The following ACYP2 variants were observed in gnomAD, a reference collection of about 807,000 sequenced individuals.
ACYP2 encodes the protein acylphosphatase-2.
Under a neutral mutation model 11.2 loss-of-function variants are expected in ACYP2, and 12 were observed. The ratio of observed to expected loss-of-function variants is 1.08; its 90% confidence interval spans 0.69 to 1.74. The LOEUF is 1.74. Ranked by LOEUF, ACYP2 falls within the 40% of genes most tolerant of loss-of-function variation. ACYP2 has a pLI of 0.00. For synonymous variants in ACYP2, 43 were observed against 32.2 expected (o/e 1.33, Z -1.13); for missense variants, 134 against 101.9 (o/e 1.31, Z -1.35).
chr2:54,142,854 G>A (rs918745392), intron 6 of ACYP2: 2 of 152,072 alleles, frequency 1.3e-5, no homozygotes, highest in South Asian at 2.1e-4. Context: ...TGATTTTATG[G>A]TTTTCTTTAT....
intron 4 of ACYP2, among the ~76,000 whole-genome samples, chr2:54,097,960 C>T (rs1168923432): frequency 7.3e-6 from 1 of 136,562 alleles, no homozygotes; most frequent in African/African-American, 2.7e-5. Flanking sequence ...TTCTCTCCTT[C>T]CTTCCTTTTT....
At chr2:54,249,930 G>C (rs1687134966) in intron 6 of ACYP2, among the ~76,000 whole-genome samples, 2 of 97,872 alleles carry the variant, frequency 2.0e-5, no homozygotes, top group East Asian at 3.5e-4. Context: ...AACAGAGCAA[G>C]ACCCTGTCTC....
At chr2:54,260,636 C>T (rs978175403) in intron 6 of ACYP2, among the ~76,000 whole-genome samples, 14 of 151,992 alleles carry the variant, frequency 9.2e-5, no homozygotes, top group East Asian at 1.9e-4. Flanking sequence ...CTCCTGGGGT[C>T]GAGTCCTAGG....
chr2:54,083,302 CAG>C (rs1677768021), intron 4 of ACYP2, among the ~76,000 whole-genome samples: 1 of 152,280 alleles, frequency 6.6e-6, no homozygotes, highest in Non-Finnish European at 1.5e-5. Flanking sequence ...GCTTCCCAGA[CAG>C]AGACCACAGC....
Position 54,283,345 on chromosome 2 carries a change from G to A in ACYP2, c.405-21343G>A, listed in dbSNP as rs187993616. On this transcript the variant is annotated intron_variant, in intron 6 of 6. Transcript: ENST00000607452. ...TCATTGAACACCTTGTCAACCCCTG[G>A]GCTGAGCATTGAGGGCAGAGATGGG... Among the ~76,000 whole-genome samples, 103 of 152,232 alleles carry A rather than the reference G, an allele frequency of 6.8e-4. 1 individual carries two copies. Among genetic ancestry groups the A allele is most frequent in the African/African-American group, 2.4e-3 (101 of 41,544 alleles).
At chr2:54,009,781 T>C (rs184569560) in intron 2 of ACYP2, among the ~76,000 whole-genome samples, 2 of 152,236 alleles carry the variant, frequency 1.3e-5, no homozygotes, top group East Asian at 3.9e-4. Context: ...TGAATCTAAA[T>C]GGAATACTGA....
At chr2:54,286,950 T>C (rs1689102694) in intron 6 of ACYP2, among the ~76,000 whole-genome samples, 1 of 152,106 alleles carries the variant, frequency 6.6e-6, no homozygotes, top group South Asian at 2.1e-4. Context: ...ATGAATGACT[T>C]AGTAAAGAGT....
Position 53,972,587 on chromosome 2 carries a change from G to A in ACYP2, c.-36-1126G>A, listed in dbSNP as rs373167360. Among the ~76,000 whole-genome samples the A allele has an allele frequency of 3.9e-5, 6 of 152,128 alleles. No individual in the cohort carries two copies. The East Asian group carries it at 9.7e-4, about 25-fold the overall frequency. ...GTGCCACAGCACTCCAGCCTGGGTGGCAGAGCGAGACTCCGTCTCAAAAAA... is the reference window on the plus strand; with the variant it reads ...GTGCCACAGCACTCCAGCCTGGGTGACAGAGCGAGACTCCGTCTCAAAAAA... On this transcript the variant is annotated intron_variant, in intron 1 of 6. Coordinates refer to ENST00000607452, the MANE Select transcript of ACYP2 (RefSeq NM_001320586.2).
chr2:54,085,450 ATCTT>A (rs971176719), intron 4 of ACYP2, among the ~76,000 whole-genome samples: 9 of 151,896 alleles, frequency 5.9e-5, no homozygotes, highest in Non-Finnish European at 7.4e-5. Flanking sequence ...GTTTTTATTC[ATCTT>A]TCTTTTTTTT....
At chr2:54,288,419 T>C (rs889201276) in intron 6 of ACYP2, among the ~76,000 whole-genome samples, 22 of 152,088 alleles carry the variant, frequency 1.4e-4, no homozygotes, top group Middle Eastern at 3.4e-3. Flanking sequence ...ATTTCTTCAG[T>C]GCTTCCTGGG....
At chr2:54,137,046 C>A (rs1433823737) in intron 5 of ACYP2, among the ~76,000 whole-genome samples, 1 of 152,064 alleles carries the variant, frequency 6.6e-6, no homozygotes, top group African/African-American at 2.4e-5. Context: ...TAAAATAATT[C>A]AAAATCAAAA....
At chr2:54,288,141 G>T (rs1335791406) in intron 6 of ACYP2, among the ~76,000 whole-genome samples, 1 of 151,844 alleles carries the variant, frequency 6.6e-6, no homozygotes. Context: ...TTCCAAAATG[G>T]AAACAAAATC....
intron 2 of ACYP2, among the ~76,000 whole-genome samples, chr2:53,986,850 C>T (rs1217604522): frequency 1.3e-5 from 2 of 152,168 alleles, no homozygotes; most frequent in Non-Finnish European, 2.9e-5. Context: ...GTCTTGAACT[C>T]CTGACCTCAG....
intron 6 of ACYP2, chr2:54,255,845 C>T (rs747560927): frequency 2.5e-6 from 4 of 1,614,022 alleles, no homozygotes; most frequent in Middle Eastern, 1.6e-4. Flanking sequence ...GTCAGCGAGG[C>T]AGAGGCCGCT....
At chr2:53,980,869 C>T (rs971529136) in intron 2 of ACYP2, among the ~76,000 whole-genome samples, 2 of 152,122 alleles carry the variant, frequency 1.3e-5, no homozygotes, top group Non-Finnish European at 2.9e-5. Context: ...CCTCCCACCT[C>T]AGCCTCCCGA....
At chr2:54,131,369 G>A (rs1403713207) in intron 4 of ACYP2, among the ~76,000 whole-genome samples, 1 of 152,196 alleles carries the variant, frequency 6.6e-6, no homozygotes, top group African/African-American at 2.4e-5. Context: ...ATAGATGGTG[G>A]AAGGGCTGCT....
intron 2 of ACYP2, among the ~76,000 whole-genome samples, chr2:53,987,287 A>G (rs1484681402): frequency 2.6e-5 from 4 of 151,824 alleles, no homozygotes; most frequent in African/African-American, 9.7e-5. Flanking sequence ...GTTAAAATTC[A>G]TTGAGCTGTA....
At position 54,256,642 on chromosome 2, in the gene ACYP2, G is replaced by T. The variant is rs1311996239; in HGVS notation, c.405-48046G>T. Among the ~76,000 whole-genome samples, 4 of 152,000 alleles carry T rather than the reference G, an allele frequency of 2.6e-5. No individual in the cohort carries two copies. In the East Asian group the frequency reaches 7.7e-4, roughly 29 times the overall value. ...TATTACAAATATTTCCTCCCACTCT[G>T]TGGGGTTACTTTTCTTTTGGACTCG... On this transcript the variant is annotated intron_variant, in intron 6 of 6. Coordinates refer to ENST00000607452, the MANE Select transcript of ACYP2 (RefSeq NM_001320586.2).
At chr2:54,156,085 A>G (rs1040959104) in intron 6 of ACYP2, among the ~76,000 whole-genome samples, 5 of 152,182 alleles carry the variant, frequency 3.3e-5, no homozygotes, top group Non-Finnish European at 5.9e-5. Flanking sequence ...AGAAAGTTCC[A>G]TGTGCTCTTG....
Sources: allele counts gnomAD v4.1 joint callset (sites outside exome capture counted in the v4.1 genomes callset), GRCh38; gene constraint gnomAD v4.1.1; transcripts MANE v1.5; gene names NCBI Gene and HGNC (gene_info 2026-07-23, HGNC 2026-07-21).